PSMD9: variants seen among roughly 807,000 people sequenced by gnomAD.
PSMD9 encodes 26S proteasome non-ATPase regulatory subunit 9.
A neutral mutation model predicts 25.9 loss-of-function variants in PSMD9; 26 were observed. The ratio of observed to expected loss-of-function variants is 1.00; its 90% CI spans 0.73 to 1.39. The LOEUF (loss-of-function observed/expected upper bound fraction) is 1.39. Ranked by LOEUF, PSMD9 falls within the 40% of genes most tolerant of loss-of-function variation. PSMD9 has a pLI of 0.00. For missense variants in PSMD9, 303 were observed against 299.3 expected, an observed-to-expected ratio of 1.01 and a Z score of -0.09; for synonymous variants, 110 against 114.5, an observed-to-expected ratio of 0.96 and a Z score of 0.25.
intron 1 of PSMD9, 118 bp from the exon 2 acceptor site, chr12:121,894,621 T>C: frequency 1.3e-6 from 1 of 798,176 alleles, no homozygotes; most frequent in Non-Finnish European, 2.1e-6. Context: ...GTGATCAGTA[T>C]GTGGCAGTTT....
chr12:121,912,293 A>G (rs1879748625), intron 4 of PSMD9, among the ~76,000 whole-genome samples: 1 of 152,010 alleles, frequency 6.6e-6, no homozygotes, highest in South Asian at 2.1e-4. Flanking sequence ...GGCCTCCCAA[A>G]GTGCTGCTAT....
chr12:121,888,865 C>G lies in PSMD9; in HGVS notation c.9C>G (p.Asp3Glu). 6.2e-7 allele frequency: 1 copy of G among 1,603,608 alleles called. No homozygotes were observed. Among genetic ancestry groups the G allele is most frequent in the Non-Finnish European group, 8.5e-7 (1 of 1,176,040 alleles). Reference sequence around the variant, plus strand: ...GCGGCCCGGGGTTCACGATGTCCGACGAGGAAGCGAGGCAGAGCGGAGGCT... The same window carrying G: ...GCGGCCCGGGGTTCACGATGTCCGAGGAGGAAGCGAGGCAGAGCGGAGGCT... MS[D>E]EEARQSGGSS... Residue 3 changes from aspartate (D) to glutamate (E), a missense_variant, in exon 1 of 6, where the codon GAC becomes GAG. Physicochemically the swap from Asp to Glu is conservative, Grantham distance 45 (BLOSUM62 2). Transcript: ENST00000541212.
Position 121,899,657 on chromosome 12 carries a change from G to T in PSMD9, c.265G>T (p.Val89Leu). Residue 89 changes from valine to leucine, a missense_variant, in exon 3 of 6, where the codon GTG becomes TTG. Val to Leu is a conservative substitution (Grantham distance 32). Coordinates refer to ENST00000541212, the MANE Select transcript of PSMD9 (RefSeq NM_002813.7). ...AGGCCTGCAGAATGATCACAAGGCA[G>T]TGATGAAGCAGGTGGAGGAGGCCCT... The part of the protein sequence containing the change: ...IICLQNDHKA[V>L]MKQVEEALHQ... 6.2e-7 allele frequency: 1 copy of T among 1,611,198 alleles called. No homozygotes were observed.
chr12:121,889,835 C>T (rs962699884), intron 1 of PSMD9, among the ~76,000 whole-genome samples: 1 of 152,212 alleles, frequency 6.6e-6, no homozygotes, highest in Middle Eastern at 3.4e-3. Context: ...TGTAAAATCA[C>T]AGATCAGTTT....
chr12:121,903,721 T>G (rs1879468018), intron 4 of PSMD9, among the ~76,000 whole-genome samples: 2 of 151,732 alleles, frequency 1.3e-5, no homozygotes, highest in South Asian at 4.1e-4. Context: ...TGTCTCTGTT[T>G]TCATTTAACA....
chr12:121,915,905 G>C lies in PSMD9; in HGVS notation c.605G>C (p.Arg202Thr). ...VIRRGEKHQL[R>T]LVPTRWAGKG... ...CGCAGGGGGGAAAAACACCAGCTTA[G>C]ACTTGTTCCAACACGCTGGGCAGGA... The change falls in exon 5 of 6, where the codon AGA becomes ACA. Residue 202 changes from arginine (R) to threonine (T), a missense_variant. Coordinates refer to ENST00000541212, the MANE Select transcript of PSMD9 (RefSeq NM_002813.7). 1 of 1,614,000 alleles carries C rather than the reference G, an allele frequency of 6.2e-7. No homozygotes were observed. The highest frequency in any genetic ancestry group is 8.5e-7 in the Non-Finnish European group (1 of 1,179,978).
At chr12:121,902,840 G>T in intron 3 of PSMD9, 166 bp from the exon 4 acceptor site, 1 of 584,900 alleles carries the variant, frequency 1.7e-6, no homozygotes, top group Non-Finnish European at 3.1e-6. Context: ...GTTACCCACT[G>T]CCCCTTCCTG....
intron 2 of PSMD9, among the ~76,000 whole-genome samples, chr12:121,896,004 T>C (rs891846350): frequency 2.0e-5 from 3 of 152,170 alleles, no homozygotes; most frequent in African/African-American, 7.2e-5. Context: ...CATCACATCT[T>C]ATTTATTTAT....
At chr12:121,899,526 C>T (rs1187453358) in intron 2 of PSMD9, 108 bp from the exon 3 acceptor site, 5 of 1,058,428 alleles carry the variant, frequency 4.7e-6, no homozygotes, top group Non-Finnish European at 6.9e-6. Flanking sequence ...ACCTCTAGCT[C>T]CACATCTGGC....
intron 2 of PSMD9, among the ~76,000 whole-genome samples, chr12:121,897,109 C>A (rs1879256680): frequency 6.6e-6 from 1 of 151,758 alleles, no homozygotes; most frequent in Non-Finnish European, 1.5e-5. Context: ...AAAAATGCTG[C>A]ATAAGCTGGG....
At chr12:121,911,867 C>T (rs1190238875) in intron 4 of PSMD9, among the ~76,000 whole-genome samples, 2 of 151,426 alleles carry the variant, frequency 1.3e-5, no homozygotes, top group Non-Finnish European at 2.9e-5. Flanking sequence ...TGACCAGGCT[C>T]GCCTCGAACT....
intron 2 of PSMD9, 69 bp downstream of exon 2, chr12:121,894,910 C>A (rs568424738): frequency 7.6e-7 from 1 of 1,322,614 alleles, no homozygotes; most frequent in Non-Finnish European, 1.1e-6. Flanking sequence ...ACAAATAAAA[C>A]CAACTATCTG....
At chr12:121,912,884 A>AAAAG (rs1463103523) in intron 4 of PSMD9, among the ~76,000 whole-genome samples, 14 of 148,376 alleles carry the variant, frequency 9.4e-5, no homozygotes, top group African/African-American at 2.3e-4. Context: ...AAAAAAAAAA[A>AAAAG]AAAGAAAGAA....
rs139672921 is a variant in PSMD9, at chr12:121,918,238, C to G, written c.*1927C>G. 11 of 152,314 alleles carry G rather than the reference C, an allele frequency of 7.2e-5. No individual in the cohort carries two copies. Among genetic ancestry groups the G allele is most frequent in the Middle Eastern group, 3.4e-3 (1 of 294 alleles). The allele number at this position is 152,314 out of a possible 1,614,324, so 9.4% of individuals were successfully genotyped here. A position where few individuals can be genotyped will look rare whatever the true frequency, so the allele number is the denominator to read the frequency against. On this transcript the variant is annotated 3_prime_UTR_variant, in exon 6 of 6. Transcript: ENST00000541212. This position sits in a 1 kb window ranked among gnomAD's most constrained non-coding sequence, Gnocchi z 4.3. ...GTGCCCGGTGAGGAGGCAGGCAGGA[C>G]GGTTGTGTGCTGCATCCATGAGACC...
chr12:121,916,294 A>G lies in PSMD9; in HGVS notation c.655A>G (p.Ile219Val). The G allele has an allele frequency of 6.2e-7, 1 of 1,614,166 alleles. No homozygotes were observed. Among genetic ancestry groups the G allele is most frequent in the African/African-American group, 1.3e-5 (1 of 75,050 alleles). Reference protein sequence around the residue: ...AGKGLLGCNIIPLQR With the variant: ...AGKGLLGCNIVPLQR ...TCTTCTTTCTTCCAGCTGCAACATT[A>G]TTCCTCTGCAAAGATGATTGTCCCT... Residue 219 changes from isoleucine to valine, a missense_variant, in exon 6 of 6, where the codon ATT becomes GTT. By Grantham distance (29) the Ile-to-Val change is conservative. Coordinates refer to ENST00000541212, the MANE Select transcript of PSMD9 (RefSeq NM_002813.7).
At position 121,898,556 on chromosome 12, in the gene PSMD9, T is replaced by TC. The variant is rs1301571751; in HGVS notation, c.242-1078_242-1077insC. On this transcript the variant is annotated intron_variant, in intron 2 of 5. Transcript: ENST00000541212. ...CTTATGCAGCACTTTTTTTTTTTTT[T>TC]TTTGAGACGAATTCTTGCTTTGTCG... The TC allele has an allele frequency of 1.3e-3, 196 of 152,170 alleles. 5 individuals are homozygous for TC. The East Asian group carries it at 0.036, about 28-fold the overall frequency. 9.4% of individuals were successfully genotyped at this position (152,170 alleles called of 1,614,324 possible).
chr12:121,916,246 C>G, intron 5 of PSMD9, 38 bp from the exon 6 acceptor site: 1 of 1,613,398 alleles, frequency 6.2e-7, no homozygotes, highest in African/African-American at 1.3e-5. Flanking sequence ...TGAAGGGAGC[C>G]TCCAAACTTA....
rs537795209 is a variant in PSMD9, at chr12:121,903,214, G to A, written c.555+107G>A. ...AAGTTCATTTTTCACAGCTCTGGAGGCAGGGAAGTCCAAGATCCAGGCACC... is the reference window on the plus strand; with the variant it reads ...AAGTTCATTTTTCACAGCTCTGGAGACAGGGAAGTCCAAGATCCAGGCACC... On this transcript the variant is annotated intron_variant, in intron 4 of 5. Coordinates refer to ENST00000541212, the MANE Select transcript of PSMD9 (RefSeq NM_002813.7). 938 of 1,037,436 alleles carry A rather than the reference G, an allele frequency of 9.0e-4. 8 individuals are homozygous for A. In the South Asian group the frequency reaches 0.011, roughly 12 times the overall value. 64.3% of individuals were successfully genotyped at this position (1,037,436 alleles called of 1,614,324 possible).
intron 2 of PSMD9, chr12:121,898,943 A>G (rs1265207716): frequency 6.6e-6 from 1 of 152,284 alleles, no homozygotes; most frequent in South Asian, 2.1e-4. Flanking sequence ...GATGGTCTCC[A>G]TCTCCTGACC....
Sources: gnomAD v4.1 joint callset for allele counts (sites outside exome capture counted in the v4.1 genomes callset) on GRCh38, gnomAD v4.1.1 for gene constraint, Gnocchi (gnomAD v3.1) non-coding constraint, MANE v1.5 for transcripts, NCBI Gene and HGNC (gene_info 2026-07-23, HGNC 2026-07-21) for gene names.